BICC1: variants seen among roughly 807,000 people sequenced by gnomAD.
BICC1 encodes BicC family RNA binding protein 1.
Under a neutral mutation model 111.0 loss-of-function variants are expected in BICC1, and 43 were observed. That is an observed-to-expected ratio of 0.39 (90% CI 0.30 to 0.50). BICC1 has a LOEUF of 0.50. Ranked by LOEUF, BICC1 falls within the 20% of genes least tolerant of loss-of-function variation. The pLI is 0.88. For synonymous variants in BICC1, 467 were observed against 434.4 expected (o/e 1.07, Z -0.93); for missense variants, 1,091 against 1,203.2 (o/e 0.91, Z 1.38).
intron 2 of BICC1, among the ~76,000 whole-genome samples, chr10:58,636,263 G>A (rs1170308020): frequency 6.6e-6 from 1 of 152,036 alleles, no homozygotes; most frequent in African/African-American, 2.4e-5. Flanking sequence ...TTGAATCTGG[G>A]GAGAAAACCC....
intron 3 of BICC1, among the ~76,000 whole-genome samples, chr10:58,704,867 C>A (rs1329188905): frequency 6.6e-6 from 1 of 152,186 alleles, no homozygotes; most frequent in Non-Finnish European, 1.5e-5. Context: ...ATATTTGAGC[C>A]TAGACAAACA....
intron 3 of BICC1, among the ~76,000 whole-genome samples, chr10:58,724,246 A>C (rs1841028632): frequency 6.6e-6 from 1 of 152,232 alleles, no homozygotes; most frequent in African/African-American, 2.4e-5. Context: ...GATGTTACAT[A>C]ATCTAAGCAC....
At chr10:58,624,779 A>C (rs1468645851) in intron 2 of BICC1, among the ~76,000 whole-genome samples, 1 of 152,058 alleles carries the variant, frequency 6.6e-6, no homozygotes, top group Non-Finnish European at 1.5e-5. Flanking sequence ...TTTTTAGTAG[A>C]GATGGGCTTT....
intron 2 of BICC1, among the ~76,000 whole-genome samples, chr10:58,637,207 AT>A (rs544739021): frequency 5.3e-5 from 8 of 152,006 alleles, no homozygotes; most frequent in Non-Finnish European, 7.4e-5. Flanking sequence ...TCGAGTGAAG[AT>A]TTTTTTTCTT....
intron 2 of BICC1, among the ~76,000 whole-genome samples, chr10:58,658,506 G>C (rs2132279029): frequency 6.6e-6 from 1 of 152,154 alleles, no homozygotes; most frequent in East Asian, 1.9e-4. Context: ...TTTAAATGTA[G>C]ATTACCACTA....
intron 1 of BICC1, among the ~76,000 whole-genome samples, chr10:58,613,185 C>G (rs1478457841): frequency 1.3e-5 from 2 of 152,160 alleles, no homozygotes; most frequent in Non-Finnish European, 2.9e-5. Flanking sequence ...GTAATTTATT[C>G]CCGGAGTTGT....
chr10:58,787,210 T>C, intron 5 of BICC1, 129 bp downstream of exon 5: 1 of 763,734 alleles, frequency 1.3e-6, no homozygotes, highest in Non-Finnish European at 1.9e-6. Flanking sequence ...ACAGTGTAGA[T>C]TGTACAACTT....
chr10:58,699,115 C>G (rs1326272552), intron 2 of BICC1, among the ~76,000 whole-genome samples: 1 of 152,158 alleles, frequency 6.6e-6, no homozygotes. Context: ...TAATTACTGG[C>G]AATTTGTTTT....
intron 2 of BICC1, among the ~76,000 whole-genome samples, chr10:58,695,921 CTTGT>C (rs1340420816): frequency 6.6e-6 from 1 of 152,080 alleles, no homozygotes; most frequent in African/African-American, 2.4e-5. Context: ...TTAGATTTTA[CTTGT>C]TTATTTTATT....
In BICC1 at chr10:58,528,612, G is replaced by A. The variant is rs1842605353; in HGVS notation, c.190+15279G>A. Among the ~76,000 whole-genome samples, 6 of 151,808 alleles carry A rather than the reference G, an allele frequency of 4.0e-5. No individual in the cohort carries two copies. In the South Asian group the frequency reaches 1.2e-3, roughly 31 times the overall value. On this transcript the variant is annotated intron_variant, in intron 1 of 20. Transcript: ENST00000373886. ...TGCTCACTGCACTAAAATTATCATTGAGTTATTTTGAGTTAGAGGGAAATA... is the reference window on the plus strand; with the variant it reads ...TGCTCACTGCACTAAAATTATCATTAAGTTATTTTGAGTTAGAGGGAAATA...
intron 2 of BICC1, among the ~76,000 whole-genome samples, chr10:58,687,806 C>T (rs1402682240): frequency 2.6e-5 from 4 of 152,140 alleles, no homozygotes; most frequent in Non-Finnish European, 4.4e-5. Context: ...ATTCCCTGAT[C>T]CTTTGTGCTT....
At chr10:58,693,517 C>T (rs1308656900) in intron 2 of BICC1, among the ~76,000 whole-genome samples, 2 of 152,220 alleles carry the variant, frequency 1.3e-5, no homozygotes, top group East Asian at 3.8e-4. Flanking sequence ...TCCTCTCCAG[C>T]ACCTGTTGTT....
chr10:58,613,861 G>A (rs61372856), intron 1 of BICC1, among the ~76,000 whole-genome samples: 2 of 152,072 alleles, frequency 1.3e-5, no homozygotes, highest in African/African-American at 2.4e-5. Context: ...ATGAAGGTAG[G>A]GCCTTGCCTA....
intron 3 of BICC1, among the ~76,000 whole-genome samples, chr10:58,731,727 A>C (rs1420262518): frequency 6.6e-6 from 1 of 150,490 alleles, no homozygotes; most frequent in Non-Finnish European, 1.5e-5. Context: ...AGAGAGAGAG[A>C]GAGAGGGAGG....
intron 4 of BICC1, among the ~76,000 whole-genome samples, chr10:58,786,180 G>T (rs1843006201): frequency 6.6e-6 from 1 of 152,126 alleles, no homozygotes; most frequent in African/African-American, 2.4e-5. Flanking sequence ...TCTTCTAAAT[G>T]AGAAGGGATT....
intron 1 of BICC1, among the ~76,000 whole-genome samples, chr10:58,523,429 A>G (rs1436291648): frequency 3.9e-5 from 6 of 152,260 alleles, no homozygotes; most frequent in Non-Finnish European, 2.9e-5. Flanking sequence ...AATCCAACGT[A>G]TAAACAGAAC....
chr10:58,699,387 C>T (rs554023826), intron 2 of BICC1, among the ~76,000 whole-genome samples: 1 of 152,268 alleles, frequency 6.6e-6, no homozygotes, highest in South Asian at 2.1e-4. Context: ...ACCTGCTGCT[C>T]TTAGGATATT....
At chr10:58,579,470 A>G (rs1438977819) in intron 1 of BICC1, among the ~76,000 whole-genome samples, 4 of 152,188 alleles carry the variant, frequency 2.6e-5, no homozygotes, top group Non-Finnish European at 5.9e-5. Context: ...CCACAGCGTT[A>G]ACAATCCACG....
chr10:58,814,951 A>G (rs937546070), intron 18 of BICC1, among the ~76,000 whole-genome samples: 5 of 152,186 alleles, frequency 3.3e-5, no homozygotes, highest in African/African-American at 1.2e-4. Flanking sequence ...GAAAAAATTA[A>G]CTTATTACAG....
Sources: gnomAD v4.1 joint callset for allele counts (sites outside exome capture counted in the v4.1 genomes callset) on GRCh38, gnomAD v4.1.1 for gene constraint, MANE v1.5 for transcripts, NCBI Gene and HGNC (gene_info 2026-07-23, HGNC 2026-07-21) for gene names.